The following LRRTM4 variants were observed in gnomAD, a reference collection of about 807,000 sequenced individuals.
LRRTM4 encodes the protein leucine-rich repeat transmembrane neuronal protein 4.
LRRTM4 carries 25 observed loss-of-function variants against 47.6 expected under a neutral mutation model. The observed-to-expected ratio is 0.53, with a 90% CI of 0.38 to 0.73. The LOEUF is 0.73. Among genes scored for constraint, LRRTM4 ranks in the 30% least tolerant of loss-of-function variants. LRRTM4 has a pLI of 0.00. For missense variants in LRRTM4, 638 were observed against 713.4 expected (o/e 0.89, Z 1.20); for synonymous variants, 311 against 269.5 (o/e 1.15, Z -1.51).
At chr2:77,121,948 G>T (rs1416159053) in intron 3 of LRRTM4, among the ~76,000 whole-genome samples, 3 of 151,654 alleles carry the variant, frequency 2.0e-5, no homozygotes, top group East Asian at 3.9e-4. Flanking sequence ...TTGTAATTTT[G>T]CAGAAATTTA....
At chr2:77,498,966 A>G (rs1678466439) in intron 3 of LRRTM4, among the ~76,000 whole-genome samples, 1 of 151,868 alleles carries the variant, frequency 6.6e-6, no homozygotes, top group African/African-American at 2.4e-5. Context: ...CTTGCTCGCT[A>G]CATATGACAT....
intron 3 of LRRTM4, among the ~76,000 whole-genome samples, chr2:76,947,301 C>T (rs962464585): frequency 1.3e-5 from 2 of 151,862 alleles, no homozygotes; most frequent in Non-Finnish European, 2.9e-5. Flanking sequence ...GTTATTAACA[C>T]TATCTTCATT....
rs145182778 is a variant in LRRTM4 at position 77,086,461 on chromosome 2, AG to A, written c.1552-337546del. ...TTTCCTTTTAGGAACTCATGATTGC[AG>A]GTTACATATAATAATTTTTTTTTTT... is the stretch of plus-strand genomic sequence containing the variant. On this transcript the variant is annotated intron_variant, in intron 3 of 3. Transcript: ENST00000409884. Among the ~76,000 whole-genome samples the A allele has an allele frequency of 3.3e-3, 488 of 149,040 alleles. 1 individual carries two copies. Among genetic ancestry groups the A allele is most frequent in the African/African-American group, 0.011 (449 of 40,200 alleles).
intron 3 of LRRTM4, among the ~76,000 whole-genome samples, chr2:76,762,183 G>T (rs1673282982): frequency 6.6e-6 from 1 of 152,094 alleles, no homozygotes; most frequent in African/African-American, 2.4e-5. Flanking sequence ...TCACTACAGA[G>T]CATTACCTTT....
intron 3 of LRRTM4, among the ~76,000 whole-genome samples, chr2:76,800,130 A>T (rs1460241008): frequency 6.7e-6 from 1 of 148,946 alleles, no homozygotes; most frequent in South Asian, 2.1e-4. Flanking sequence ...ACCAAAAAAG[A>T]GCCCGCATCG....
At chr2:77,349,572 GAT>G (rs1266629658) in intron 3 of LRRTM4, among the ~76,000 whole-genome samples, 4 of 151,968 alleles carry the variant, frequency 2.6e-5, no homozygotes, top group African/African-American at 9.7e-5. Flanking sequence ...GGAAGGGAGA[GAT>G]AAGAGAATCT....
chr2:77,311,194 G>A (rs1677446255), intron 3 of LRRTM4, among the ~76,000 whole-genome samples: 1 of 152,020 alleles, frequency 6.6e-6, no homozygotes, highest in Non-Finnish European at 1.5e-5. Flanking sequence ...GTGCAAAGTT[G>A]GCTTTTCACT....
At chr2:77,192,824 T>G (rs1020563255) in intron 3 of LRRTM4, among the ~76,000 whole-genome samples, 5 of 152,218 alleles carry the variant, frequency 3.3e-5, no homozygotes, top group African/African-American at 1.2e-4. Flanking sequence ...GAAAGCATCA[T>G]GTACAATATT....
intron 3 of LRRTM4, among the ~76,000 whole-genome samples, chr2:76,936,175 C>A (rs1420017645): frequency 1.3e-5 from 2 of 152,116 alleles, no homozygotes; most frequent in Non-Finnish European, 2.9e-5. Context: ...ATAGCAAAGA[C>A]TTGGAACCAA....
chr2:77,189,120 A>C (rs956604208), intron 3 of LRRTM4, among the ~76,000 whole-genome samples: 1 of 151,738 alleles, frequency 6.6e-6, no homozygotes, highest in African/African-American at 2.4e-5. Context: ...TAAAAAAAAA[A>C]CTTTTGATCA....
chr2:77,481,315 T>C (rs780843000), intron 3 of LRRTM4, among the ~76,000 whole-genome samples: 1 of 152,172 alleles, frequency 6.6e-6, no homozygotes, highest in Non-Finnish European at 1.5e-5. Flanking sequence ...ATCATAGATC[T>C]AGAACATGGT....
At chr2:77,320,133 T>C (rs1169821916) in intron 3 of LRRTM4, among the ~76,000 whole-genome samples, 4 of 151,104 alleles carry the variant, frequency 2.6e-5, no homozygotes, top group African/African-American at 9.8e-5. Context: ...CTCTGAGGCC[T>C]CTGCCCTCCC....
intron 3 of LRRTM4, among the ~76,000 whole-genome samples, chr2:77,402,662 C>T (rs986896321): frequency 1.3e-5 from 2 of 151,852 alleles, no homozygotes; most frequent in Admixed American, 6.6e-5. Context: ...TGTTCCTTTA[C>T]GTTTTTTTGT....
intron 3 of LRRTM4, among the ~76,000 whole-genome samples, chr2:77,296,926 C>T (rs541932222): frequency 3.3e-5 from 5 of 152,298 alleles, no homozygotes; most frequent in South Asian, 2.1e-4. Context: ...TTCTGTGCCT[C>T]TCATTTTGTT....
chr2:77,048,051 CGATT>C (rs1679292931), intron 3 of LRRTM4, among the ~76,000 whole-genome samples: 1 of 151,760 alleles, frequency 6.6e-6, no homozygotes, highest in South Asian at 2.1e-4. Flanking sequence ...ACATATCTCT[CGATT>C]ATCTCATCTT....
intron 3 of LRRTM4, among the ~76,000 whole-genome samples, chr2:77,140,540 A>C (rs1672090815): frequency 7.2e-6 from 1 of 139,590 alleles, no homozygotes; most frequent in African/African-American, 2.8e-5. Flanking sequence ...AAACCTAGGC[A>C]ATACCATTCA....
intron 3 of LRRTM4, among the ~76,000 whole-genome samples, chr2:77,201,569 A>G (rs763133578): frequency 2.0e-5 from 3 of 152,144 alleles, no homozygotes; most frequent in Non-Finnish European, 2.9e-5. Flanking sequence ...CAGAAACAGA[A>G]TGCAAAGAAA....
chr2:76,912,114 T>G (rs1474432667), intron 3 of LRRTM4, among the ~76,000 whole-genome samples: 1 of 151,884 alleles, frequency 6.6e-6, no homozygotes, highest in Non-Finnish European at 1.5e-5. Context: ...AGACAGGAGG[T>G]TTCACCATGT....
intron 3 of LRRTM4, among the ~76,000 whole-genome samples, chr2:77,189,864 G>A (rs1673618740): frequency 6.6e-6 from 1 of 151,810 alleles, no homozygotes. Flanking sequence ...CAATATCTAT[G>A]TATGTATACA....
Sources: allele counts gnomAD v4.1 joint callset (sites outside exome capture counted in the v4.1 genomes callset), GRCh38; gene constraint gnomAD v4.1.1; transcripts MANE v1.5; gene names NCBI Gene and HGNC (gene_info 2026-07-23, HGNC 2026-07-21).